MAPRE2: variants seen among roughly 807,000 people sequenced by gnomAD.
MAPRE2 encodes microtubule-associated protein RP/EB family member 2.
In MAPRE2, 13 loss-of-function variants were observed where a neutral mutation model predicts 43.2. The ratio of observed to expected loss-of-function variants is 0.30; its 90% CI spans 0.20 to 0.48. The LOEUF is 0.48. Ranked by LOEUF, MAPRE2 falls within the 20% of genes least tolerant of loss-of-function variation. The pLI, the probability that MAPRE2 is intolerant of heterozygous loss-of-function variation, is 0.99. For missense variants in MAPRE2, 161 were observed against 400.2 expected (o/e 0.40, Z 5.10); for synonymous variants, 135 against 148.8 (o/e 0.91, Z 0.68).
chr18:35,097,609 C>A lies in MAPRE2; in HGVS notation c.396+18C>A, dbSNP rs747812002. 5.0e-6 allele frequency: 8 copies of A among 1,594,294 alleles called. No individual in the cohort carries two copies. Among genetic ancestry groups the A allele is most frequent in the Non-Finnish European group, 6.8e-6 (8 of 1,171,270 alleles). On this transcript the variant is annotated intron_variant, in intron 3 of 6. Transcript: ENST00000300249. ...TTGATAAGGTAGGAGACTTGTACCT[C>A]CATAAAATGTGTTGTTTTTTCTTAA...
intron 1 of MAPRE2, among the ~76,000 whole-genome samples, chr18:34,989,714 CTCTG>C (rs754923044): frequency 6.6e-6 from 1 of 151,878 alleles, no homozygotes; most frequent in African/African-American, 2.4e-5. Context: ...TTCCCTCTCT[CTCTG>C]TCTTTTTTTT....
At chr18:35,071,310 G>A (rs1907106763) in intron 2 of MAPRE2, among the ~76,000 whole-genome samples, 1 of 152,186 alleles carries the variant, frequency 6.6e-6, no homozygotes, top group Admixed American at 6.5e-5. Context: ...GAGCCCAGGA[G>A]TTTGAGGCTG....
chr18:35,033,837 C>T (rs1168797449), intron 2 of MAPRE2, among the ~76,000 whole-genome samples: 1 of 146,108 alleles, frequency 6.8e-6, no homozygotes, highest in Admixed American at 7.0e-5. Flanking sequence ...AGGAGAACTA[C>T]AAACCACTGC....
At chr18:35,106,041 A>G (rs1437959197) in intron 4 of MAPRE2, among the ~76,000 whole-genome samples, 2 of 152,110 alleles carry the variant, frequency 1.3e-5, no homozygotes, top group Non-Finnish European at 2.9e-5. Context: ...CTTTATACAC[A>G]GTCTGCTTTT....
intron 1 of MAPRE2, among the ~76,000 whole-genome samples, chr18:34,982,012 G>A (rs530423757): frequency 2.2e-4 from 33 of 151,402 alleles, no homozygotes; most frequent in Admixed American, 3.9e-4. Context: ...AGCCTCCCGA[G>A]TAGCTGGGAC....
chr18:35,077,788 C>T (rs1907441979), intron 2 of MAPRE2, among the ~76,000 whole-genome samples: 1 of 152,144 alleles, frequency 6.6e-6, no homozygotes, highest in African/African-American at 2.4e-5. Context: ...GATTTTGTCT[C>T]TGTTATATGA....
At chr18:35,118,418 C>T (rs1373165423) in intron 4 of MAPRE2, among the ~76,000 whole-genome samples, 1 of 152,200 alleles carries the variant, frequency 6.6e-6, no homozygotes, top group East Asian at 1.9e-4. Flanking sequence ...CTTTTTGTTG[C>T]TGTTAACATT....
chr18:35,089,745 G>C (rs1908054054), intron 2 of MAPRE2, among the ~76,000 whole-genome samples: 1 of 152,140 alleles, frequency 6.6e-6, no homozygotes, highest in Admixed American at 6.5e-5. Context: ...TTTTCAAATT[G>C]TTAAACAGAG....
chr18:35,135,253 G>A (rs1910333826), intron 6 of MAPRE2, among the ~76,000 whole-genome samples: 1 of 152,162 alleles, frequency 6.6e-6, no homozygotes, highest in Non-Finnish European at 1.5e-5. Context: ...AGACCCATTT[G>A]TTTAAACCTT....
intron 2 of MAPRE2, among the ~76,000 whole-genome samples, chr18:35,006,841 T>TAATACCAGCTACTCGGGTGGCTG (rs2150581204): frequency 6.6e-6 from 1 of 152,348 alleles, no homozygotes; most frequent in South Asian, 2.1e-4. Flanking sequence ...TGCATACCTG[T>TAATACCAGCTACTCGGGTGGCTG]AATACCAGCT....
intron 2 of MAPRE2, among the ~76,000 whole-genome samples, chr18:35,079,169 C>G: frequency 6.6e-6 from 1 of 152,254 alleles, no homozygotes; most frequent in Middle Eastern, 3.4e-3. Context: ...GAATATGGTC[C>G]TTTTCTTATT....
chr18:35,079,154 C>T (rs1394664406), intron 2 of MAPRE2, among the ~76,000 whole-genome samples: 6 of 152,166 alleles, frequency 3.9e-5, no homozygotes, highest in African/African-American at 1.4e-4. Flanking sequence ...ACATTTGAAT[C>T]CCAAGAATAT....
chr18:35,052,947 T>A (rs891677267), intron 1 of MAPRE2, among the ~76,000 whole-genome samples: 2 of 152,104 alleles, frequency 1.3e-5, no homozygotes, highest in Admixed American at 1.3e-4. Flanking sequence ...AATAATATAG[T>A]CTTGAATTGT....
chr18:35,064,000 TAAAA>T (rs575347953), intron 1 of MAPRE2, among the ~76,000 whole-genome samples: 3,034 of 33,600 alleles, frequency 0.09, 91 homozygotes, highest in African/African-American at 0.12. Context: ...CCTGTCTCTT[TAAAA>T]AAAAAAAAAA....
intron 2 of MAPRE2, among the ~76,000 whole-genome samples, chr18:35,015,829 T>C (rs908310132): frequency 1.3e-5 from 2 of 152,006 alleles, no homozygotes; most frequent in African/African-American, 4.8e-5. Flanking sequence ...TTATTTTAGA[T>C]TCTTGGGGTA....
intron 1 of MAPRE2, among the ~76,000 whole-genome samples, chr18:34,998,808 G>T (rs1158340705): frequency 2.0e-5 from 2 of 102,136 alleles, no homozygotes; most frequent in Non-Finnish European, 1.9e-5. Context: ...TTTGGACAGA[G>T]TCTCACTCCG....
At chr18:35,138,122 G>A (rs1349893442) in intron 6 of MAPRE2, among the ~76,000 whole-genome samples, 1 of 152,194 alleles carries the variant, frequency 6.6e-6, no homozygotes, top group Non-Finnish European at 1.5e-5. Context: ...CCTCACATGT[G>A]CCAGACAGAA....
chr18:35,025,185 T>A (rs2097044370), intron 2 of MAPRE2, among the ~76,000 whole-genome samples: 1 of 152,192 alleles, frequency 6.6e-6, no homozygotes, highest in Non-Finnish European at 1.5e-5. Context: ...CAGGAACTCT[T>A]CTCAAGTACT....
chr18:35,054,583 G>A (rs1906120323), intron 1 of MAPRE2, among the ~76,000 whole-genome samples: 1 of 152,182 alleles, frequency 6.6e-6, no homozygotes, highest in Non-Finnish European at 1.5e-5. Context: ...AGTTGCGAGT[G>A]TTCTTTTTGA....
Sources: allele counts gnomAD v4.1 joint callset (sites outside exome capture counted in the v4.1 genomes callset), GRCh38; gene constraint gnomAD v4.1.1; transcripts MANE v1.5; gene names NCBI Gene and HGNC (gene_info 2026-07-23, HGNC 2026-07-21).